The following STON1 variants were observed in gnomAD, a reference collection of about 807,000 sequenced individuals.
STON1 encodes the protein stonin 1.
A neutral mutation model predicts 60.9 loss-of-function variants in STON1; 79 were observed. The observed-to-expected ratio is 1.30, with a 90% CI of 1.08 to 1.56. The LOEUF (loss-of-function observed/expected upper bound fraction) is 1.56. Ranked by LOEUF, STON1 falls within the 40% of genes most tolerant of loss-of-function variation. The pLI, the probability that STON1 is intolerant of heterozygous loss-of-function variation, is 0.00. For missense variants in STON1, 1,166 were observed against 858.9 expected, an observed-to-expected ratio of 1.36 and a Z score of -4.47; for synonymous variants, 363 against 306.9, an observed-to-expected ratio of 1.18 and a Z score of -1.91.
intron 1 of STON1, among the ~76,000 whole-genome samples, chr2:48,566,838 G>C (rs562955750): frequency 1.3e-5 from 2 of 152,272 alleles, no homozygotes; most frequent in East Asian, 3.9e-4. Flanking sequence ...CTGGTGTTGT[G>C]GTGGTGTGGC....
chr2:48,548,612 C>T (rs1453989506), intron 1 of STON1, among the ~76,000 whole-genome samples: 1 of 151,956 alleles, frequency 6.6e-6, no homozygotes, highest in Non-Finnish European at 1.5e-5. Context: ...GATTCTCAAG[C>T]CCCAGTCTCC....
At chr2:48,573,040 C>G (rs1471426278) in intron 1 of STON1, among the ~76,000 whole-genome samples, 2 of 152,158 alleles carry the variant, frequency 1.3e-5, no homozygotes, top group African/African-American at 4.8e-5. Flanking sequence ...AGCCCCAGGC[C>G]CTGTCACTTT....
chr2:48,576,498 CTTTTTTT>C (rs35460615), intron 1 of STON1, among the ~76,000 whole-genome samples: 2 of 143,912 alleles, frequency 1.4e-5, no homozygotes, highest in Non-Finnish European at 3.0e-5. Context: ...CCATATTATC[CTTTTTTT>C]TTTTTTTTTT....
At chr2:48,590,558 T>G (rs2103953929) in intron 2 of STON1, among the ~76,000 whole-genome samples, 1 of 151,932 alleles carries the variant, frequency 6.6e-6, no homozygotes, top group East Asian at 1.9e-4. Context: ...GGAGATGCTA[T>G]GAACAATGCA....
At chr2:48,554,345 C>T in intron 1 of STON1, among the ~76,000 whole-genome samples, 1 of 152,184 alleles carries the variant, frequency 6.6e-6, no homozygotes, top group Middle Eastern at 3.2e-3. Flanking sequence ...CCTCAGCCTC[C>T]CAACTAGCTG....
At chr2:48,590,301 C>T (rs1411264747) in intron 2 of STON1, among the ~76,000 whole-genome samples, 1 of 152,114 alleles carries the variant, frequency 6.6e-6, no homozygotes, top group Non-Finnish European at 1.5e-5. Flanking sequence ...GATGATTTCT[C>T]AAGGCTTTTT....
intron 2 of STON1, among the ~76,000 whole-genome samples, chr2:48,589,169 GCT>G (rs1674377711): frequency 6.6e-6 from 1 of 152,042 alleles, no homozygotes; most frequent in South Asian, 2.1e-4. Context: ...CACGTTGGTT[GCT>G]CTCTCCTCCT....
intron 1 of STON1, among the ~76,000 whole-genome samples, chr2:48,553,324 CA>C (rs1369438729): frequency 6.6e-6 from 1 of 152,102 alleles, no homozygotes; most frequent in Admixed American, 6.6e-5. Context: ...AAGGCAGCTT[CA>C]GGGGGCAAAT....
chr2:48,595,401 T>A lies in STON1; in HGVS notation c.*99T>A. 1 of 1,043,780 alleles carries A rather than the reference T, an allele frequency of 9.6e-7. No individual in the cohort carries two copies. The allele number at this position is 1,043,780 out of a possible 1,614,324, so 64.7% of individuals were successfully genotyped here. A position where few individuals can be genotyped will look rare whatever the true frequency, so the allele number is the denominator to read the frequency against. ...CTGTAGAGTGGAAATGACTTCTGAA[T>A]AGCGGTTTTAGGACAGGTCTGATGG... On this transcript the variant is annotated 3_prime_UTR_variant, in exon 4 of 4. Coordinates refer to ENST00000404752, the MANE Select transcript of STON1 (RefSeq NM_006873.4).
At chr2:48,562,096 A>G (rs1672637709) in intron 1 of STON1, among the ~76,000 whole-genome samples, 1 of 152,180 alleles carries the variant, frequency 6.6e-6, no homozygotes, top group Non-Finnish European at 1.5e-5. Flanking sequence ...CCTGACCTTA[A>G]GTAATCCACC....
chr2:48,580,220 A>G (rs1673795173), intron 1 of STON1, among the ~76,000 whole-genome samples: 1 of 152,082 alleles, frequency 6.6e-6, no homozygotes, highest in Admixed American at 6.6e-5. Flanking sequence ...GTTAATATAT[A>G]TTTATAATTG....
intron 1 of STON1, among the ~76,000 whole-genome samples, chr2:48,566,855 C>A (rs1672968719): frequency 6.6e-6 from 1 of 152,144 alleles, no homozygotes; most frequent in Non-Finnish European, 1.5e-5. Flanking sequence ...TGGCCTCGAG[C>A]CATTGGAAGC....
intron 1 of STON1, among the ~76,000 whole-genome samples, chr2:48,550,515 AAAACCCCACAT>A (rs1558583122): frequency 6.7e-6 from 1 of 149,598 alleles, no homozygotes; most frequent in East Asian, 1.9e-4. Context: ...AAAAAAGACA[AAAACCCCACAT>A]ATTTATAGTG....
At chr2:48,543,185 G>T (rs111455287) in intron 1 of STON1, among the ~76,000 whole-genome samples, 4,687 of 152,028 alleles carry the variant, frequency 0.031, 98 homozygotes, top group Middle Eastern at 0.065. Context: ...ATGTTGGCCA[G>T]GCTGATCTCA....
chr2:48,584,878 C>G (rs984523785), intron 2 of STON1, among the ~76,000 whole-genome samples: 1 of 152,122 alleles, frequency 6.6e-6, no homozygotes, highest in Non-Finnish European at 1.5e-5. Context: ...GGTTTAACAC[C>G]TGTTGACTGA....
chr2:48,555,218 GC>G (rs1672274458), intron 1 of STON1, among the ~76,000 whole-genome samples: 1 of 108,776 alleles, frequency 9.2e-6, no homozygotes. Flanking sequence ...TGTCATCCTG[GC>G]CCGTTCTCAA....
intron 1 of STON1, among the ~76,000 whole-genome samples, chr2:48,548,375 C>T (rs1257131737): frequency 2.0e-5 from 3 of 152,176 alleles, no homozygotes; most frequent in Non-Finnish European, 2.9e-5. Flanking sequence ...TAGACAGTGA[C>T]TCTGAGGCTC....
chr2:48,584,884 A>C (rs1674117006), intron 2 of STON1, among the ~76,000 whole-genome samples: 2 of 152,130 alleles, frequency 1.3e-5, no homozygotes, highest in South Asian at 2.1e-4. Flanking sequence ...ACACCTGTTG[A>C]CTGATGAGAG....
In STON1 at chr2:48,582,162, G is replaced by A. The variant is rs201713773; in HGVS notation, c.1529G>A (p.Cys510Tyr). 1.1e-5 allele frequency: 17 copies of A among 1,614,238 alleles called. No individual in the cohort carries two copies. Among genetic ancestry groups the A allele is most frequent in the Non-Finnish European group, 1.4e-5 (16 of 1,180,050 alleles). ...RIIKFVPLDA[C>Y]RFELMRFKTL... is the part of the protein sequence containing the mutation. ...ATTAAGTTTGTACCTCTGGATGCCTGCCGGTTTGAGCTGATGCGTTTCAAG... is the reference window on the plus strand; with the variant it reads ...ATTAAGTTTGTACCTCTGGATGCCTACCGGTTTGAGCTGATGCGTTTCAAG... The change falls in exon 2 of 4, where the codon TGC becomes TAC. Residue 510 changes from cysteine to tyrosine, a missense_variant. Transcript: ENST00000404752.
Sources: allele counts gnomAD v4.1 joint callset (sites outside exome capture counted in the v4.1 genomes callset), GRCh38; gene constraint gnomAD v4.1.1; transcripts MANE v1.5; gene names NCBI Gene and HGNC (gene_info 2026-07-23, HGNC 2026-07-21).